Variants in NT5M observed in about 807,000 individuals in gnomAD.
The protein encoded by NT5M is 5',3'-nucleotidase, mitochondrial.
Under a neutral mutation model 22.2 loss-of-function variants are expected in NT5M, and 22 were observed. That is an observed-to-expected ratio of 0.99 (90% CI 0.71 to 1.41). NT5M has a LOEUF of 1.41. Ranked by LOEUF, NT5M falls within the 40% of genes most tolerant of loss-of-function variation. The pLI is 0.00. For synonymous variants in NT5M, 167 were observed against 133.0 expected (o/e 1.26, Z -1.76); for missense variants, 322 against 314.8 (o/e 1.02, Z -0.17).
At chr17:17,323,087 C>A in intron 2 of NT5M, 98 bp from the exon 3 acceptor site, 1 of 939,234 alleles carries the variant, frequency 1.1e-6, no homozygotes, top group Non-Finnish European at 1.8e-6. Context: ...GGTTCAGACT[C>A]AGAGGGTCCA....
At chr17:17,305,509 A>T (rs866347548) in intron 1 of NT5M, among the ~76,000 whole-genome samples, 1 of 149,574 alleles carries the variant, frequency 6.7e-6, no homozygotes, top group Middle Eastern at 3.3e-3. Context: ...CCTATGTGGG[A>T]TGTGAGGATC....
At chr17:17,316,131 T>C (rs2049023400) in intron 2 of NT5M, among the ~76,000 whole-genome samples, 1 of 150,030 alleles carries the variant, frequency 6.7e-6, no homozygotes, top group Non-Finnish European at 1.5e-5. Context: ...CTTGGCTCCC[T>C]ACTACAACCT....
At chr17:17,324,115 T>C (rs1006714003) in intron 3 of NT5M, among the ~76,000 whole-genome samples, 1 of 150,562 alleles carries the variant, frequency 6.6e-6, no homozygotes, top group Admixed American at 6.6e-5. Flanking sequence ...GCTCAGGTGA[T>C]GTGCCTGCCT....
At chr17:17,324,542 G>A (rs1003896706) in intron 3 of NT5M, among the ~76,000 whole-genome samples, 4 of 151,156 alleles carry the variant, frequency 2.6e-5, no homozygotes, top group Non-Finnish European at 4.4e-5. Context: ...CCAACATAGC[G>A]TGCCCTCTGT....
In NT5M at chr17:17,344,814, C is replaced by T. The variant is rs748255261; in HGVS notation, c.450C>T (p.Tyr150=). 1.9e-6 allele frequency: 3 copies of T among 1,614,140 alleles called. No individual in the cohort carries two copies. Among genetic ancestry groups the T allele is most frequent in the Non-Finnish European group, 2.5e-6 (3 of 1,179,976 alleles). ...TCCAGTATGCCTGGGTGGAGAAGTA[C>T]TTTGGCCCTGACTTTCTGGAGCAGA... ...PYEKYAWVEK[Y]FGPDFLEQIV... is the part of the protein sequence containing the mutation. Residue 150 remains tyrosine, a synonymous_variant, in exon 4 of 5, where the codon TAC becomes TAT. Coordinates refer to ENST00000389022, the MANE Select transcript of NT5M (RefSeq NM_020201.4).
intron 1 of NT5M, 110 bp from the exon 2 acceptor site, chr17:17,306,433 A>C: frequency 1.3e-6 from 1 of 750,472 alleles, no homozygotes; most frequent in Admixed American, 1.9e-5. Context: ...TGTTTGGGGG[A>C]GTGAGAGGAA....
chr17:17,346,940 C>T lies in NT5M; in HGVS notation c.680C>T (p.Pro227Leu). The change falls in exon 5 of 5, where the codon CCC becomes CTC. Residue 227 changes from proline (P) to leucine (L), a missense_variant. Physicochemically the swap from Pro to Leu is moderately conservative, Grantham distance 98. Coordinates refer to ENST00000389022, the MANE Select transcript of NT5M (RefSeq NM_020201.4). ...DWKAILDSKR[P>L]C is the part of the protein sequence containing the mutation. ...AAGGCCATTCTGGACAGCAAGCGGCCCTGCTGAGCTGGACTGTGCTTCGGG... is the reference window on the plus strand; with the variant it reads ...AAGGCCATTCTGGACAGCAAGCGGCTCTGCTGAGCTGGACTGTGCTTCGGG... The T allele has an allele frequency of 6.2e-7, 1 of 1,611,082 alleles. No homozygotes were observed. Among genetic ancestry groups the T allele is most frequent in the Non-Finnish European group, 8.5e-7 (1 of 1,179,908 alleles).
rs1416021826 is a variant in NT5M, at chr17:17,347,277, TC to T, written c.*333del. 1 of 280,804 alleles carries T rather than the reference TC, an allele frequency of 3.6e-6. No individual in the cohort carries two copies. The highest frequency in any genetic ancestry group is 6.7e-6 in the Non-Finnish European group (1 of 149,908). 17.4% of individuals were successfully genotyped at this position (280,804 alleles called of 1,614,324 possible). On this transcript the variant is annotated 3_prime_UTR_variant, in exon 5 of 5. Transcript: ENST00000389022. Reference sequence around the variant, plus strand: ...TCAGGGGGCTGGTGGCCGTCTCCACTCCCTAGGCAAGTTCTCTGAGGCAGAA... The same window carrying T: ...TCAGGGGGCTGGTGGCCGTCTCCACTCCTAGGCAAGTTCTCTGAGGCAGAA...
chr17:17,315,166 C>T (rs2048997407), intron 2 of NT5M, among the ~76,000 whole-genome samples: 1 of 152,036 alleles, frequency 6.6e-6, no homozygotes, highest in Admixed American at 6.6e-5. Context: ...TGGAGGAAAC[C>T]ACTCATTTAG....
intron 1 of NT5M, chr17:17,304,042 A>G (rs1387127440): frequency 8.5e-7 from 1 of 1,181,088 alleles, no homozygotes; most frequent in East Asian, 3.2e-5. Flanking sequence ...GCGGGAGAGT[A>G]CAAAGTGTTA....
At position 17,332,558 on chromosome 17, in the gene NT5M, A is replaced by G. The variant is rs539606578; in HGVS notation, c.429+9313A>G. Among the ~76,000 whole-genome samples, 4 of 152,188 alleles carry G rather than the reference A, an allele frequency of 2.6e-5. No homozygotes were observed. In the East Asian group the frequency reaches 7.7e-4, roughly 29 times the overall value. On this transcript the variant is annotated intron_variant, in intron 3 of 4. Transcript: ENST00000389022. ...GCATTTTTCCTGATTCTGGTTTAGAACGACAGCACCGCTTTATGCTTGGAT... is the reference window on the plus strand; with the variant it reads ...GCATTTTTCCTGATTCTGGTTTAGAGCGACAGCACCGCTTTATGCTTGGAT...
intron 1 of NT5M, among the ~76,000 whole-genome samples, chr17:17,305,405 C>G (rs994631210): frequency 1.5e-5 from 2 of 129,844 alleles, no homozygotes; most frequent in African/African-American, 2.8e-5. Flanking sequence ...CCCCCCCCCC[C>G]CCGCCCCCAC....
At chr17:17,308,779 C>T (rs561885934) in intron 2 of NT5M, among the ~76,000 whole-genome samples, 1 of 152,222 alleles carries the variant, frequency 6.6e-6, no homozygotes, top group African/African-American at 2.4e-5. Context: ...CAGCCCCTGG[C>T]AACCACTAAT....
At chr17:17,331,471 A>T (rs1220923687) in intron 3 of NT5M, among the ~76,000 whole-genome samples, 1 of 151,816 alleles carries the variant, frequency 6.6e-6, no homozygotes, top group African/African-American at 2.4e-5. Flanking sequence ...TCCAAAAAAT[A>T]AAATAAAATT....
intron 3 of NT5M, among the ~76,000 whole-genome samples, chr17:17,340,410 C>T (rs1386648082): frequency 6.6e-6 from 1 of 151,806 alleles, no homozygotes; most frequent in Non-Finnish European, 1.5e-5. Context: ...TTTTGTTTAC[C>T]TTTCCAAAAA....
chr17:17,318,937 G>A (rs986808744), intron 2 of NT5M, among the ~76,000 whole-genome samples: 3 of 151,984 alleles, frequency 2.0e-5, no homozygotes, highest in Admixed American at 6.6e-5. Context: ...TGGGGCGGGC[G>A]TGGTGGCTCA....
chr17:17,305,622 G>GTGGC (rs2048783648), intron 1 of NT5M, among the ~76,000 whole-genome samples: 1 of 152,098 alleles, frequency 6.6e-6, no homozygotes, highest in African/African-American at 2.4e-5. Context: ...ATGTGACAGG[G>GTGGC]TGGCTGTCTT....
At chr17:17,311,068 G>C (rs550285230) in intron 2 of NT5M, among the ~76,000 whole-genome samples, 1 of 152,268 alleles carries the variant, frequency 6.6e-6, no homozygotes, top group East Asian at 1.9e-4. Context: ...CGGGCGCGGT[G>C]GCTCACGCTT....
chr17:17,323,650 G>A (rs780042337), intron 3 of NT5M, among the ~76,000 whole-genome samples: 21 of 152,208 alleles, frequency 1.4e-4, no homozygotes, highest in Non-Finnish European at 2.6e-4. Flanking sequence ...GACCTTTCTG[G>A]AAATTGGGAA....
Sources: gnomAD v4.1 joint callset for allele counts (sites outside exome capture counted in the v4.1 genomes callset) on GRCh38, gnomAD v4.1.1 for gene constraint, MANE v1.5 for transcripts, NCBI Gene and HGNC (gene_info 2026-07-23, HGNC 2026-07-21) for gene names.